Variants in NXPE2 observed in about 807,000 individuals in gnomAD.
NXPE2 encodes neurexophilin and PC-esterase domain family member 2, also known as NXPE family member 2.
Under a neutral mutation model 34.4 loss-of-function variants are expected in NXPE2, and 34 were observed. The observed-to-expected ratio is 0.99, with a 90% CI of 0.75 to 1.31. The LOEUF (loss-of-function observed/expected upper bound fraction) is 1.31, where lower values mean the gene tolerates loss of function less well. NXPE2 is among the 40% of genes most tolerant of loss of function. The pLI, the probability that NXPE2 is intolerant of heterozygous loss-of-function variation, is 0.00. For synonymous variants in NXPE2, 235 were observed against 231.3 expected, an observed-to-expected ratio of 1.02 and a Z score of -0.15; for missense variants, 649 against 672.5, an observed-to-expected ratio of 0.97 and a Z score of 0.39.
chr11:114,488,247 G>A, the NXPE2 span, among the ~76,000 whole-genome samples: 1,016 of 152,246 alleles, frequency 6.7e-3, 14 homozygotes, highest in African/African-American at 0.021. Context: ...TACGTGCCTA[G>A]GAATCTATCA....
At chr11:114,589,988 C>T in the NXPE2 span, among the ~76,000 whole-genome samples, 1 of 152,182 alleles carries the variant, frequency 6.6e-6, no homozygotes, top group Non-Finnish European at 1.5e-5. Flanking sequence ...TTAAAGGATG[C>T]CTTTTTCTGC....
At chr11:114,799,760 G>C in the NXPE2 span, among the ~76,000 whole-genome samples, 1 of 152,208 alleles carries the variant, frequency 6.6e-6, no homozygotes. Context: ...GCAGCCAGAG[G>C]GAGCATCTAT....
intron 2 of NXPE2, among the ~76,000 whole-genome samples, chr11:114,682,221 G>T (rs2135533603): frequency 6.6e-6 from 1 of 152,284 alleles, no homozygotes; most frequent in East Asian, 1.9e-4. Flanking sequence ...CTTTATGAAG[G>T]AGTAGGTTAA....
chr11:114,791,822 C>T, the NXPE2 span, among the ~76,000 whole-genome samples: 149 of 152,150 alleles, frequency 9.8e-4, no homozygotes, highest in African/African-American at 3.5e-3. Flanking sequence ...TTTGGGAGGC[C>T]GAGGCGGGCG....
At chr11:114,522,918 G>C in the NXPE2 span, 3 of 1,613,366 alleles carry the variant, frequency 1.9e-6, no homozygotes, top group South Asian at 3.3e-5. Context: ...CACTGACGTA[G>C]TGTAGAGTCT....
At chr11:114,711,543 C>T (rs1859612285), downstream of NXPE2, among the ~76,000 whole-genome samples, 1 of 151,998 alleles carries the variant, frequency 6.6e-6, no homozygotes, top group Non-Finnish European at 1.5e-5. Context: ...GATAAAATAG[C>T]TAGCAATATA....
chr11:114,807,607 A>G, the NXPE2 span, among the ~76,000 whole-genome samples: 1 of 151,554 alleles, frequency 6.6e-6, no homozygotes, highest in Non-Finnish European at 1.5e-5. Context: ...GCCATTACAT[A>G]ATGGTAAAGG....
chr11:114,734,187 A>G, the NXPE2 span, among the ~76,000 whole-genome samples: 2 of 152,132 alleles, frequency 1.3e-5, no homozygotes, highest in African/African-American at 2.4e-5. Flanking sequence ...TTCCATAAAT[A>G]TGGTCTTTCT....
At chr11:114,637,531 G>C in the NXPE2 span, among the ~76,000 whole-genome samples, 2 of 150,716 alleles carry the variant, frequency 1.3e-5, no homozygotes, top group African/African-American at 2.4e-5. Context: ...TATTTTGCTC[G>C]TTAGTTGATA....
chr11:114,738,453 C>G, the NXPE2 span, among the ~76,000 whole-genome samples: 3 of 152,106 alleles, frequency 2.0e-5, no homozygotes, highest in African/African-American at 7.2e-5. Context: ...TGCCATAATT[C>G]TTGTCCATTC....
the NXPE2 span, among the ~76,000 whole-genome samples, chr11:114,533,501 G>A: frequency 4.5e-4 from 69 of 152,342 alleles, no homozygotes; most frequent in Admixed American, 8.5e-4. Flanking sequence ...GCCTCACCCG[G>A]GAAGCACAAG....
the NXPE2 span, among the ~76,000 whole-genome samples, chr11:114,747,634 G>T: frequency 6.6e-6 from 1 of 152,120 alleles, no homozygotes; most frequent in Non-Finnish European, 1.5e-5. Flanking sequence ...GGGCAAGGGG[G>T]GAACTGCCAA....
the NXPE2 span, among the ~76,000 whole-genome samples, chr11:114,671,027 A>T: frequency 6.7e-6 from 1 of 148,674 alleles, no homozygotes; most frequent in East Asian, 1.9e-4. Context: ...GAGATTGTCA[A>T]TAAGGACAAA....
At chr11:114,594,660 C>T in the NXPE2 span, 2 of 1,577,466 alleles carry the variant, frequency 1.3e-6, no homozygotes, top group South Asian at 2.3e-5. Context: ...AAAGCATTTC[C>T]TACCTTTGTG....
the NXPE2 span, among the ~76,000 whole-genome samples, chr11:114,661,731 G>C: frequency 1.5e-4 from 23 of 152,326 alleles, no homozygotes; most frequent in Admixed American, 1.4e-3. Flanking sequence ...GGCCACTGGT[G>C]ACTTGTCCTT....
chr11:114,492,114 C>G, the NXPE2 span, among the ~76,000 whole-genome samples: 4 of 152,052 alleles, frequency 2.6e-5, no homozygotes, highest in African/African-American at 9.7e-5. Flanking sequence ...ACATATGTAA[C>G]AAACCTGCAC....
At chr11:114,534,162 C>T in the NXPE2 span, among the ~76,000 whole-genome samples, 2 of 152,192 alleles carry the variant, frequency 1.3e-5, no homozygotes, top group Admixed American at 1.3e-4. Flanking sequence ...ACTGCTGATA[C>T]CCAGGCAAAC....
the NXPE2 span, among the ~76,000 whole-genome samples, chr11:114,480,640 A>C: frequency 7.9e-5 from 12 of 152,272 alleles, no homozygotes; most frequent in Non-Finnish European, 1.5e-4. Context: ...TTTCTTACCT[A>C]AGCTAATTGA....
chr11:114,576,282 C>T, the NXPE2 span, among the ~76,000 whole-genome samples: 31,259 of 152,018 alleles, frequency 0.21, 4,225 homozygotes, highest in African/African-American at 0.37. Flanking sequence ...CTTCTAGACA[C>T]TGGCTTAGGC....
Sources: gnomAD v4.1 joint callset for allele counts (sites outside exome capture counted in the v4.1 genomes callset) on GRCh38, gnomAD v4.1.1 for gene constraint, MANE v1.5 for transcripts, NCBI Gene and HGNC (gene_info 2026-07-23, HGNC 2026-07-21) for gene names.